Variants in SP140 observed in about 807,000 individuals in gnomAD.
SP140 encodes SP140 nuclear body protein.
Under a neutral mutation model 125.0 loss-of-function variants are expected in SP140, and 81 were observed. That is an observed-to-expected ratio of 0.65 (90% confidence interval 0.54 to 0.78). The LOEUF is 0.78. Among genes scored for constraint, SP140 ranks in the 30% least tolerant of loss-of-function variants. The pLI, the probability that SP140 is intolerant of heterozygous loss-of-function variation, is 0.00. For synonymous variants in SP140, 312 were observed against 354.0 expected, an observed-to-expected ratio of 0.88 and a Z score of 1.33; for missense variants, 858 against 1,037.0, an observed-to-expected ratio of 0.83 and a Z score of 2.37.
Position 230,225,917 on chromosome 2 carries a change from T to G in SP140, c.59+14T>G. 6.2e-7 allele frequency: 1 copy of G among 1,610,276 alleles called. No individual in the cohort carries two copies. The highest frequency in any genetic ancestry group is 1.1e-5 in the South Asian group (1 of 90,946). On this transcript the variant is annotated intron_variant, in intron 1 of 26. Transcript: ENST00000392045. The stretch of plus-strand genomic sequence containing the variant: ...TCTCAACTTCAGGTGGGTCATCGTC[T>G]CCTTTCCCGTCTGTCCTTCATCTCT...
chr2:230,222,840 G>GT (rs35018428), upstream of SP140, among the ~76,000 whole-genome samples: 3,220 of 128,886 alleles, frequency 0.025, 51 homozygotes, highest in East Asian at 0.055. Context: ...GTGTATTAAA[G>GT]TTTTTTTTTT....
intron 21 of SP140, among the ~76,000 whole-genome samples, chr2:230,296,823 A>G (rs547052907): frequency 6.6e-6 from 1 of 152,344 alleles, no homozygotes; most frequent in Admixed American, 6.5e-5. Flanking sequence ...GAGGACAAGT[A>G]GAGCTTCTCT....
At position 230,255,408 on chromosome 2, in the gene SP140, G is replaced by A. The variant is rs2051011855; in HGVS notation, c.1160-44G>A. 5 of 1,598,606 alleles carry A rather than the reference G, an allele frequency of 3.1e-6. No individual in the cohort carries two copies. In the East Asian group the frequency reaches 1.1e-4, roughly 36 times the overall value. ...AGTTTTCTCTTCATGATTTTTTGTTGGTTGTATACTGAGACCTCTGAGGGA... is the reference window on the plus strand; with the variant it reads ...AGTTTTCTCTTCATGATTTTTTGTTAGTTGTATACTGAGACCTCTGAGGGA... On this transcript the variant is annotated intron_variant, in intron 11 of 26. Coordinates refer to ENST00000392045, the MANE Select transcript of SP140 (RefSeq NM_007237.5).
At chr2:230,280,270 TC>T (rs1382787472) in intron 15 of SP140, among the ~76,000 whole-genome samples, 1 of 152,228 alleles carries the variant, frequency 6.6e-6, no homozygotes, top group African/African-American at 2.4e-5. Flanking sequence ...TTCTGCTTTA[TC>T]CCTGTTAATG....
At chr2:230,236,043 A>AT (rs578123225) in intron 1 of SP140, among the ~76,000 whole-genome samples, 145 of 151,860 alleles carry the variant, frequency 9.5e-4, no homozygotes, top group African/African-American at 3.2e-3. Context: ...TGCCCGGCTA[A>AT]TTTTTTGTAT....
Position 230,245,915 on chromosome 2 carries a change from C to T in SP140, c.717C>T (p.Pro239=), listed in dbSNP as rs2049377443. 6.2e-7 allele frequency: 1 copy of T among 1,602,538 alleles called. No individual in the cohort carries two copies. Among genetic ancestry groups the T allele is most frequent in the South Asian group, 1.1e-5 (1 of 90,828 alleles). The part of the protein sequence containing the change: ...QIDEGESEEM[P]KLLPYDTEVL... ...ATGAAGGAGAATCAGAAGAAATGCC[C>T]AAGTTACTGCCTTATGATACAGAAG... Residue 239 remains proline (P), a synonymous_variant, in exon 7 of 27, where the codon CCC becomes CCT. Coordinates refer to ENST00000392045, the MANE Select transcript of SP140 (RefSeq NM_007237.5).
rs892367676 is a variant in SP140, at chr2:230,297,551, T to G, written c.2058+89T>G. On this transcript the variant is annotated intron_variant, in intron 22 of 26. Transcript: ENST00000392045. Reference sequence around the variant, plus strand: ...TGTGTCATGACTGCTGTTGCCTGAATCATGTTCAGTCTCAGCTGGAGTATG... The same window carrying G: ...TGTGTCATGACTGCTGTTGCCTGAAGCATGTTCAGTCTCAGCTGGAGTATG... 7.6e-6 allele frequency: 11 copies of G among 1,446,606 alleles called. No individual in the cohort carries two copies. The African/African-American group carries it at 1.4e-4, about 18-fold the overall frequency. The allele number at this position is 1,446,606 out of a possible 1,614,324, so 89.6% of individuals were successfully genotyped here. A position where few individuals can be genotyped will look rare whatever the true frequency, so the allele number is the denominator to read the frequency against.
At chr2:230,239,302 C>T (rs566613573) in intron 3 of SP140, among the ~76,000 whole-genome samples, 4 of 152,212 alleles carry the variant, frequency 2.6e-5, no homozygotes, top group South Asian at 2.1e-4. Flanking sequence ...TATAAAATGG[C>T]GTAGTATTTG....
chr2:230,304,430 G>T (rs764032263), intron 22 of SP140, among the ~76,000 whole-genome samples: 3 of 152,036 alleles, frequency 2.0e-5, no homozygotes, highest in Non-Finnish European at 2.9e-5. Flanking sequence ...AACCAAAAAA[G>T]AGCTCATGTA....
rs2050665260 is a variant in SP140 at position 230,253,311 on chromosome 2, G to C, written c.1058-5G>C. On this transcript the variant is annotated splice_region_variant and splice_polypyrimidine_tract_variant and intron_variant, in intron 10 of 26. Transcript: ENST00000392045. ...GTGTCCAAGTCACCCTCTGTGGTCT[G>C]TCAGTTTCTTGTTTATCTGCAGAGA... 6.2e-7 allele frequency: 1 copy of C among 1,601,198 alleles called. No individual in the cohort carries two copies. The highest frequency in any genetic ancestry group is 8.6e-7 in the Non-Finnish European group (1 of 1,168,464).
chr2:230,310,699 T>C (rs1445795392), intron 23 of SP140, 44 bp from the exon 24 acceptor site: 1 of 1,299,550 alleles, frequency 7.7e-7, no homozygotes, highest in East Asian at 2.5e-5. Flanking sequence ...CGGTGGCCAT[T>C]TCCAAGCTCC....
intron 24 of SP140, 74 bp from the exon 25 acceptor site, chr2:230,311,080 T>A (rs2257515): frequency 6.2e-7 from 1 of 1,607,484 alleles, no homozygotes; most frequent in South Asian, 1.1e-5. Flanking sequence ...GGGTGTGAGT[T>A]CTGTGCTGTG....
chr2:230,271,156 T>A (rs1181509559), intron 15 of SP140, among the ~76,000 whole-genome samples: 3 of 152,112 alleles, frequency 2.0e-5, no homozygotes, highest in Admixed American at 2.0e-4. Context: ...AGAAAATACA[T>A]TTGTGTTGTT....
At position 230,253,274 on chromosome 2, in the gene SP140, G is replaced by T. The variant is rs192091083; in HGVS notation, c.1058-42G>T. 1.0e-4 allele frequency: 138 copies of T among 1,383,846 alleles called. No individual in the cohort carries two copies. In the African/African-American group the frequency reaches 1.9e-3, roughly 19 times the overall value. The allele number at this position is 1,383,846 out of a possible 1,614,324, so 85.7% of individuals were successfully genotyped here. ...TTTTCCCATCTTGGATGGCGTGAAT[G>T]CACTGAGGTCTGTGTCCAAGTCACC... On this transcript the variant is annotated intron_variant, in intron 10 of 26. Coordinates refer to ENST00000392045, the MANE Select transcript of SP140 (RefSeq NM_007237.5).
At chr2:230,313,233 T>G (rs2059447553), downstream of SP140, 1 of 153,004 alleles carries the variant, frequency 6.5e-6, no homozygotes, top group Non-Finnish European at 1.5e-5. Flanking sequence ...TTTTGTCAAT[T>G]TAATTCATTC....
At chr2:230,214,727 C>T (rs890354889) in intron 3 of SP140, among the ~76,000 whole-genome samples, 2 of 152,114 alleles carry the variant, frequency 1.3e-5, no homozygotes, top group African/African-American at 4.8e-5. Flanking sequence ...ATTCATAGAA[C>T]ACATAAGAAA....
At chr2:230,310,483 C>T in intron 23 of SP140, 2 of 769,908 alleles carry the variant, frequency 2.6e-6, no homozygotes, top group Non-Finnish European at 2.0e-6. Context: ...GTGCTCCCAG[C>T]AGCTCAGACA....
intron 22 of SP140, among the ~76,000 whole-genome samples, chr2:230,298,880 T>TCACCTAAAGAAGAATACCAGTGCCTGTG (rs2058017401): frequency 6.6e-6 from 1 of 152,208 alleles, no homozygotes; most frequent in Non-Finnish European, 1.5e-5. Flanking sequence ...GCCTATTCTG[T>TCACCTAAAGAAGAATACCAGTGCCTGTG]CACCTAAAGA....
intron 12 of SP140, among the ~76,000 whole-genome samples, chr2:230,264,324 T>G (rs943800711): frequency 4.3e-4 from 66 of 152,306 alleles, no homozygotes; most frequent in African/African-American, 1.5e-3. Context: ...CCTGAATTTT[T>G]TATTGATTTT....
Sources: gnomAD v4.1 joint callset for allele counts (sites outside exome capture counted in the v4.1 genomes callset) on GRCh38, gnomAD v4.1.1 for gene constraint, MANE v1.5 for transcripts, NCBI Gene and HGNC (gene_info 2026-07-23, HGNC 2026-07-21) for gene names.